Variants in CNTNAP5 observed in about 807,000 individuals in gnomAD.
CNTNAP5 encodes the protein contactin associated protein family member 5.
A neutral mutation model predicts 150.2 loss-of-function variants in CNTNAP5; 72 were observed. The observed-to-expected ratio is 0.48, with a 90% confidence interval of 0.40 to 0.58. CNTNAP5 has a LOEUF of 0.58. Ranked by LOEUF, CNTNAP5 falls within the 20% of genes least tolerant of loss-of-function variation. The probability of loss-of-function intolerance (pLI) is 0.00; values close to 1 mark genes in which losing one functional copy is unlikely to be tolerated. For synonymous variants in CNTNAP5, 672 were observed against 619.8 expected (o/e 1.08, Z -1.25); for missense variants, 1,636 against 1,626.2 (o/e 1.01, Z -0.10).
At chr2:124,445,253 C>T (rs1216507894) in intron 5 of CNTNAP5, among the ~76,000 whole-genome samples, 11 of 151,760 alleles carry the variant, frequency 7.2e-5, no homozygotes, top group African/African-American at 2.4e-4. Context: ...CCTTGCCTGG[C>T]TAATTTTTTT....
At chr2:124,271,468 T>C (rs894732455) in intron 3 of CNTNAP5, among the ~76,000 whole-genome samples, 9 of 152,036 alleles carry the variant, frequency 5.9e-5, no homozygotes, top group Non-Finnish European at 1.0e-4. Context: ...TGGGTAACGA[T>C]GTAACAGGAT....
intron 8 of CNTNAP5, 22 bp from the exon 9 acceptor site, chr2:124,524,281 T>G (rs776831376): frequency 6.2e-7 from 1 of 1,613,352 alleles, no homozygotes; most frequent in South Asian, 1.1e-5. Context: ...TCTCTATGCT[T>G]ACTCTCTTGT....
intron 3 of CNTNAP5, among the ~76,000 whole-genome samples, chr2:124,400,685 T>TTTTTTTTTTTTTTTTTTTTTG (rs1558884204): frequency 7.1e-6 from 1 of 140,916 alleles, no homozygotes; most frequent in Non-Finnish European, 1.5e-5. Flanking sequence ...TTTTTTTTTT[T>TTTTTTTTTTTTTTTTTTTTTG]TTTGTTTTTT....
intron 13 of CNTNAP5, among the ~76,000 whole-genome samples, chr2:124,724,004 G>A (rs1038849365): frequency 1.3e-5 from 2 of 152,000 alleles, no homozygotes; most frequent in African/African-American, 2.4e-5. Flanking sequence ...AATTAGCTGA[G>A]TGTGATGGCA....
At chr2:124,599,135 G>C (rs555628474) in intron 11 of CNTNAP5, among the ~76,000 whole-genome samples, 1 of 152,250 alleles carries the variant, frequency 6.6e-6, no homozygotes, top group East Asian at 1.9e-4. Context: ...CTGTAGACCG[G>C]AGCTGTTCCT....
chr2:124,647,251 G>T (rs1222422861), intron 12 of CNTNAP5, among the ~76,000 whole-genome samples: 1 of 152,220 alleles, frequency 6.6e-6, no homozygotes, highest in East Asian at 1.9e-4. Context: ...TAACTTCATT[G>T]CATGCAGAGT....
chr2:124,432,283 G>A (rs1461802296), intron 4 of CNTNAP5, among the ~76,000 whole-genome samples: 1 of 152,126 alleles, frequency 6.6e-6, no homozygotes, highest in Non-Finnish European at 1.5e-5. Flanking sequence ...ATGCCTCACT[G>A]GGAACTAGAG....
intron 1 of CNTNAP5, among the ~76,000 whole-genome samples, chr2:124,174,010 G>C (rs980421994): frequency 7.9e-5 from 12 of 151,188 alleles, no homozygotes; most frequent in Non-Finnish European, 1.8e-4. Flanking sequence ...TAATCTACTT[G>C]TGCCTCATAA....
chr2:124,489,535 C>T (rs1693970061), intron 7 of CNTNAP5, among the ~76,000 whole-genome samples: 1 of 152,158 alleles, frequency 6.6e-6, no homozygotes, highest in Non-Finnish European at 1.5e-5. Context: ...GCCTTCAACA[C>T]ATGAATTTAG....
At chr2:124,242,097 T>C (rs1381477491) in intron 2 of CNTNAP5, 103 bp from the exon 3 acceptor site, 3 of 901,760 alleles carry the variant, frequency 3.3e-6, no homozygotes, top group Non-Finnish European at 5.1e-6. Context: ...GGGGGTAGAG[T>C]CATCTTAGTT....
chr2:124,316,804 CAAAAAAAAAAA>C (rs56812690), intron 3 of CNTNAP5, among the ~76,000 whole-genome samples: 1 of 54,770 alleles, frequency 1.8e-5, no homozygotes, highest in Admixed American at 2.8e-4. Flanking sequence ...GACTCCATCT[CAAAAAAAAAAA>C]AAAAAAAAAA....
chr2:124,569,044 T>C (rs1696094166), intron 11 of CNTNAP5, among the ~76,000 whole-genome samples: 1 of 152,042 alleles, frequency 6.6e-6, no homozygotes, highest in Non-Finnish European at 1.5e-5. Flanking sequence ...CGAGACTCTG[T>C]CTCAAAAGAA....
rs1425735043 is a variant in CNTNAP5, at chr2:124,667,623, AG to A, written c.2077+19666del. Among the ~76,000 whole-genome samples, 48 of 152,360 alleles carry A rather than the reference AG, an allele frequency of 3.2e-4. 1 individual carries two copies. On this transcript the variant is annotated intron_variant, in intron 13 of 23. Transcript: ENST00000682447. ...GAATACACAGTTTACCTAAAGGTTA[AG>A]AATTGAGTCCAATTAAGAGGATGGA...
chr2:124,455,463 C>G (rs534110331), intron 6 of CNTNAP5, among the ~76,000 whole-genome samples: 25 of 152,018 alleles, frequency 1.6e-4, no homozygotes, highest in African/African-American at 5.8e-4. Context: ...AGAATTCTAC[C>G]AGACATTCAA....
intron 8 of CNTNAP5, among the ~76,000 whole-genome samples, chr2:124,516,134 C>T (rs759545219): frequency 6.6e-6 from 1 of 152,078 alleles, no homozygotes; most frequent in African/African-American, 2.4e-5. Flanking sequence ...AAAAGTTAAT[C>T]GAATTTGATA....
chr2:124,209,029 G>C (rs1685936756), intron 1 of CNTNAP5, among the ~76,000 whole-genome samples: 1 of 152,066 alleles, frequency 6.6e-6, no homozygotes, highest in South Asian at 2.1e-4. Context: ...AGAAAGAAAT[G>C]GATGGCCCCA....
intron 1 of CNTNAP5, among the ~76,000 whole-genome samples, chr2:124,032,831 A>G (rs1681094941): frequency 1.3e-5 from 2 of 152,218 alleles, no homozygotes. Flanking sequence ...AGTATATTTC[A>G]TATTTGCATG....
chr2:124,716,933 G>A (rs1356218231), intron 13 of CNTNAP5, among the ~76,000 whole-genome samples: 1 of 152,164 alleles, frequency 6.6e-6, no homozygotes, highest in African/African-American at 2.4e-5. Flanking sequence ...TTCAATGCAA[G>A]TGATTCTTTG....
chr2:124,713,820 G>T (rs1389931142), intron 13 of CNTNAP5, among the ~76,000 whole-genome samples: 1 of 151,996 alleles, frequency 6.6e-6, no homozygotes, highest in Non-Finnish European at 1.5e-5. Context: ...GTTACCTTTA[G>T]GAGCAATCCC....
Sources: allele counts gnomAD v4.1 joint callset (sites outside exome capture counted in the v4.1 genomes callset), GRCh38; gene constraint gnomAD v4.1.1; transcripts MANE v1.5; gene names NCBI Gene and HGNC (gene_info 2026-07-23, HGNC 2026-07-21).